Variants in TRPM1 observed in about 807,000 individuals in gnomAD.
TRPM1 encodes the protein TRPM1-203 APA Isoform, Intron 10.
Under a neutral mutation model 149.4 loss-of-function variants are expected in TRPM1, and 113 were observed. The observed-to-expected ratio is 0.76, with a 90% CI of 0.65 to 0.88. TRPM1 has a LOEUF of 0.88. Ranked by LOEUF, TRPM1 falls within the 40% of genes least tolerant of loss-of-function variation. The pLI is 0.00. For synonymous variants in TRPM1, 741 were observed against 759.5 expected (o/e 0.98, Z 0.40); for missense variants, 1,976 against 2,038.7 (o/e 0.97, Z 0.59).
At chr15:31,132,384 G>C (rs540604348) in intron 1 of TRPM1, among the ~76,000 whole-genome samples, 1 of 152,296 alleles carries the variant, frequency 6.6e-6, no homozygotes, top group South Asian at 2.1e-4. Context: ...CACATGGCTG[G>C]ACATAATCTA....
At chr15:31,110,854 TCA>T (rs1448277047) in intron 1 of TRPM1, among the ~76,000 whole-genome samples, 2 of 151,946 alleles carry the variant, frequency 1.3e-5, no homozygotes, top group Non-Finnish European at 1.5e-5. Context: ...TCTCTCTCTC[TCA>T]CTTTTTCTTT....
At chr15:31,132,337 G>A (rs558439204) in intron 1 of TRPM1, among the ~76,000 whole-genome samples, 1 of 152,212 alleles carries the variant, frequency 6.6e-6, no homozygotes, top group African/African-American at 2.4e-5. Context: ...CAAGTGCTCG[G>A]CTCCTGATTC....
intron 9 of TRPM1, 90 bp from the exon 10 acceptor site, chr15:31,061,604 C>T (rs562993013): frequency 3.0e-5 from 32 of 1,057,890 alleles, no homozygotes; most frequent in Non-Finnish European, 3.4e-5. Context: ...GAGACTGACA[C>T]GTAATAAAAT....
chr15:31,046,120 G>T, intron 16 of TRPM1, 84 bp downstream of exon 16: 1 of 1,374,388 alleles, frequency 7.3e-7, no homozygotes, highest in Non-Finnish European at 1.0e-6. Context: ...GAGTAGTATC[G>T]TATATTCGCA....
chr15:31,092,368 G>C (rs2141003403), intron 1 of TRPM1, among the ~76,000 whole-genome samples: 1 of 152,258 alleles, frequency 6.6e-6, no homozygotes, highest in Non-Finnish European at 1.5e-5. Context: ...GGATGAGTTA[G>C]GGTTTTGGTA....
intron 9 of TRPM1, 106 bp downstream of exon 9, chr15:31,062,473 C>A: frequency 6.9e-7 from 1 of 1,451,794 alleles, no homozygotes; most frequent in Non-Finnish European, 9.5e-7. Flanking sequence ...CAGAAAAGGC[C>A]GGACTAAAAT....
chr15:31,095,558 G>A lies in TRPM1; in HGVS notation c.-84+6099C>T, dbSNP rs567222245. Reference sequence around the variant, plus strand: ...AAATTAGCCAGGCATGGTGACAGGCGCCTGTAATCCCAGCTACTCGGGAGG... The same window carrying A: ...AAATTAGCCAGGCATGGTGACAGGCACCTGTAATCCCAGCTACTCGGGAGG... On this transcript the variant is annotated intron_variant, in intron 1 of 27. Coordinates refer to ENST00000256552, the MANE Select transcript of TRPM1 (RefSeq NM_001252024.2). Among the ~76,000 whole-genome samples, 4 of 151,594 alleles carry A rather than the reference G, an allele frequency of 2.6e-5. No individual in the cohort carries two copies. The South Asian group carries it at 8.3e-4, about 31-fold the overall frequency.
Position 31,040,477 on chromosome 15 carries a change from C to T in TRPM1, c.2088-131G>A, listed in dbSNP as rs1404376407. On this transcript the variant is annotated intron_variant, in intron 17 of 27. Coordinates refer to ENST00000256552, the MANE Select transcript of TRPM1 (RefSeq NM_001252024.2). The surrounding 1 kb of genome is among the most constrained non-coding windows in gnomAD (Gnocchi z 4.2). ...TTCACTGGAGGGGCTCTGAGGTTCTCTGCAAGCAAGAAGCTCCAGGGATGT... is the reference window on the plus strand; with the variant it reads ...TTCACTGGAGGGGCTCTGAGGTTCTTTGCAAGCAAGAAGCTCCAGGGATGT... 8.9e-6 allele frequency: 7 copies of T among 782,472 alleles called. No individual in the cohort carries two copies. In the East Asian group the frequency reaches 1.9e-4, roughly 21 times the overall value. The allele number at this position is 782,472 out of a possible 1,614,324, so 48.5% of individuals were successfully genotyped here.
rs532432960 is a variant in TRPM1, at chr15:31,076,148, T to C, written c.83+757A>G. Among the ~76,000 whole-genome samples, 7 of 152,232 alleles carry C rather than the reference T, an allele frequency of 4.6e-5. No homozygotes were observed. The East Asian group carries it at 1.4e-3, about 29-fold the overall frequency. On this transcript the variant is annotated intron_variant, in intron 3 of 27. Coordinates refer to ENST00000256552, the MANE Select transcript of TRPM1 (RefSeq NM_001252024.2). ...ACCTCGGGGGGCAATCACTGGGGTT[T>C]AAGCAGGGAGGAGAATCTGCAGGGT...
intron 16 of TRPM1, 105 bp from the exon 17 acceptor site, chr15:31,042,348 A>ATAC: frequency 8.7e-7 from 1 of 1,147,502 alleles, no homozygotes; most frequent in South Asian, 1.4e-5. Context: ...GGTAATAAAG[A>ATAC]GACTTCTGAA....
chr15:31,144,116 G>A (rs1367392813), intron 1 of TRPM1, among the ~76,000 whole-genome samples: 1 of 152,116 alleles, frequency 6.6e-6, no homozygotes, highest in Non-Finnish European at 1.5e-5. Context: ...GTCTGCCTTG[G>A]TTCTGCTTCC....
chr15:31,077,288 T>G (rs2034722447), intron 2 of TRPM1, among the ~76,000 whole-genome samples: 1 of 152,226 alleles, frequency 6.6e-6, no homozygotes, highest in South Asian at 2.1e-4. Flanking sequence ...TAAACTGCAG[T>G]GCAAGTGTTG....
intron 1 of TRPM1, among the ~76,000 whole-genome samples, chr15:31,143,628 G>A (rs1228154698): frequency 1.3e-5 from 2 of 152,100 alleles, no homozygotes; most frequent in Admixed American, 1.3e-4. Flanking sequence ...GGCCAGGCTG[G>A]TCTTGTACTC....
At chr15:31,058,805 G>C (rs1315484901) in intron 11 of TRPM1, among the ~76,000 whole-genome samples, 1 of 152,172 alleles carries the variant, frequency 6.6e-6, no homozygotes, top group South Asian at 2.1e-4. Context: ...AGCAGGGCTG[G>C]GTGCAGTGAC....
chr15:31,107,915 T>C (rs2035630573), intron 1 of TRPM1, among the ~76,000 whole-genome samples: 1 of 151,752 alleles, frequency 6.6e-6, no homozygotes, highest in Non-Finnish European at 1.5e-5. Flanking sequence ...TGGAGTGCAG[T>C]GGCATGATCT....
intron 27 of TRPM1, among the ~76,000 whole-genome samples, chr15:31,014,507 A>G (rs533498226): frequency 6.6e-6 from 1 of 152,310 alleles, no homozygotes; most frequent in South Asian, 2.1e-4. Context: ...AAAATGTCAC[A>G]AAGCTCACTT....
chr15:31,143,765 C>T (rs998159612), intron 1 of TRPM1, among the ~76,000 whole-genome samples: 40 of 151,818 alleles, frequency 2.6e-4, no homozygotes, highest in African/African-American at 8.5e-4. Context: ...TTTAAGCTAT[C>T]TATAGCTTAC....
At chr15:31,060,500 C>A in intron 11 of TRPM1, 44 bp downstream of exon 11, 1 of 1,533,148 alleles carries the variant, frequency 6.5e-7, no homozygotes, top group Non-Finnish European at 9.0e-7. Flanking sequence ...GTCACTTGTA[C>A]AAAGTCAAGA....
At chr15:31,137,963 A>G (rs536342165) in intron 1 of TRPM1, among the ~76,000 whole-genome samples, 1 of 152,226 alleles carries the variant, frequency 6.6e-6, no homozygotes, top group East Asian at 1.9e-4. Flanking sequence ...ACCCTGGGTT[A>G]TCTGATCTCT....
Sources: gnomAD v4.1 joint callset for allele counts (sites outside exome capture counted in the v4.1 genomes callset) on GRCh38, gnomAD v4.1.1 for gene constraint, Gnocchi (gnomAD v3.1) non-coding constraint, MANE v1.5 for transcripts, NCBI Gene and HGNC (gene_info 2026-07-23, HGNC 2026-07-21) for gene names.